MYO7B: variants seen among roughly 807,000 people sequenced by gnomAD.
MYO7B encodes the protein unconventional myosin-VIIb.
MYO7B carries 212 observed loss-of-function variants against 259.7 expected under a neutral mutation model. The ratio of observed to expected loss-of-function variants is 0.82; its 90% CI spans 0.73 to 0.91. The LOEUF (loss-of-function observed/expected upper bound fraction) is 0.91. MYO7B is among the 40% of genes least tolerant of loss of function. The pLI is 0.00. For missense variants in MYO7B, 2,732 were observed against 2,813.5 expected (o/e 0.97, Z 0.66); for synonymous variants, 1,197 against 1,166.4 (o/e 1.03, Z -0.54).
At position 127,585,074 on chromosome 2, in the gene MYO7B, G is replaced by A. The variant is rs765174321; in HGVS notation, c.1690+161G>A. Among the ~76,000 whole-genome samples, 33 of 152,116 alleles carry A rather than the reference G, an allele frequency of 2.2e-4. No individual in the cohort carries two copies. Among genetic ancestry groups the A allele is most frequent in the African/African-American group, 5.6e-4 (23 of 41,418 alleles). ...CTGGAGAAAGAAAATGGAGTGGACCGGGCATGTTTTGTTTTGTTTCTGGTA... is the reference window on the plus strand; with the variant it reads ...CTGGAGAAAGAAAATGGAGTGGACCAGGCATGTTTTGTTTTGTTTCTGGTA... On this transcript the variant is annotated intron_variant, in intron 14 of 47. Transcript: ENST00000409816. This position sits in a 1 kb window ranked among gnomAD's most constrained non-coding sequence, Gnocchi z 4.3.
intron 1 of MYO7B, among the ~76,000 whole-genome samples, chr2:127,545,486 C>T (rs907990764): frequency 6.6e-6 from 1 of 152,186 alleles, no homozygotes; most frequent in Non-Finnish European, 1.5e-5. Context: ...TACCTAGCCT[C>T]GAGCAGCCTC....
At chr2:127,569,693 G>T in intron 5 of MYO7B, 96 bp from the exon 6 acceptor site, 1 of 1,456,824 alleles carries the variant, frequency 6.9e-7, no homozygotes, top group Non-Finnish European at 9.2e-7. Flanking sequence ...TGTCAGACTG[G>T]CTCAGAAAGC....
chr2:127,584,853 A>C lies in MYO7B; in HGVS notation c.1630A>C (p.Ile544Leu), dbSNP rs535338153. 6.2e-6 allele frequency: 10 copies of C among 1,613,944 alleles called. No individual in the cohort carries two copies. The highest frequency in any genetic ancestry group is 7.6e-6 in the Non-Finnish European group (9 of 1,179,902). Residue 544 changes from isoleucine to leucine, a missense_variant, in exon 14 of 48, where the codon ATC becomes CTC. Ile to Leu is a conservative substitution (Grantham distance 5, BLOSUM62 2). Around this residue, in one of 3 missense-constraint regions of MYO7B, gnomAD observed 1,906 missense variants for 2,026.4 expected, o/e 0.94. Transcript: ENST00000409816. The surrounding 1 kb of genome is among the most constrained non-coding windows in gnomAD (Gnocchi z 5.8). ...NNKAFLQPKN[I>L]HDARFGIAHF... ...CAAGGCCTTCCTACAGCCCAAGAAC[A>C]TCCACGATGCCAGATTTGGCATTGC...
At position 127,624,184 on chromosome 2, in the gene MYO7B, A is replaced by G; in HGVS notation, c.3911A>G (p.Gln1304Arg). ...CAGGAGAGGGGCGAGAGCCAGCGCC[A>G]GTCACCCTGGCGCATCTACTTCCGG... ...MAQERGESQR[Q>R]SPWRIYFRKE... The change falls in exon 30 of 48, where the codon CAG becomes CGG. Residue 1304 changes from glutamine to arginine, a missense_variant. Around this residue, in one of 3 missense-constraint regions of MYO7B, gnomAD observed 1,906 missense variants for 2,026.4 expected, o/e 0.94. Transcript: ENST00000409816. 1 of 1,597,476 alleles carries G rather than the reference A, an allele frequency of 6.3e-7. No homozygotes were observed. Among genetic ancestry groups the G allele is most frequent in the Non-Finnish European group, 8.5e-7 (1 of 1,172,712 alleles).
intron 1 of MYO7B, among the ~76,000 whole-genome samples, chr2:127,550,455 A>G (rs764394223): frequency 6.6e-5 from 10 of 152,030 alleles, no homozygotes; most frequent in Non-Finnish European, 1.5e-4. Context: ...AGTCACAGCT[A>G]TTCAGGAGGC....
intron 11 of MYO7B, 83 bp from the exon 12 acceptor site, chr2:127,582,221 A>C (rs1318380805): frequency 6.5e-7 from 1 of 1,547,938 alleles, no homozygotes; most frequent in Non-Finnish European, 8.8e-7. Flanking sequence ...GGTCCAAGAC[A>C]TTCGGCCTCT....
Position 127,634,644 on chromosome 2 carries a change from G to T in MYO7B, c.5674G>T (p.Val1892Leu), listed in dbSNP as rs1270051027. Residue 1892 changes from valine to leucine, a missense_variant, in exon 42 of 48, where the codon GTG becomes TTG. Physicochemically the swap from Val to Leu is conservative, Grantham distance 32. Coordinates refer to ENST00000409816, the MANE Select transcript of MYO7B (RefSeq NM_001393586.1). ...CTTCTTCTTTGATTCCTTGAGGGAG[G>T]TGTCTGACTGGGTGAAGAAGAACAA... ...GDFFFDSLRE[V>L]SDWVKKNKPQ... The T allele has an allele frequency of 6.2e-7, 1 of 1,612,442 alleles. No homozygotes were observed.
chr2:127,536,421 G>T (rs2104774614), intron 1 of MYO7B, among the ~76,000 whole-genome samples: 1 of 146,324 alleles, frequency 6.8e-6, no homozygotes, highest in Non-Finnish European at 1.5e-5. Flanking sequence ...AGTCACCTCT[G>T]GAAGGCTGGG....
chr2:127,553,612 C>G (rs1441165846), intron 1 of MYO7B, among the ~76,000 whole-genome samples: 1 of 152,090 alleles, frequency 6.6e-6, no homozygotes, highest in African/African-American at 2.4e-5. Flanking sequence ...AATTTTGTAT[C>G]CCGAAAATTT....
chr2:127,545,394 T>C (rs1023025994), intron 1 of MYO7B, among the ~76,000 whole-genome samples: 2 of 152,104 alleles, frequency 1.3e-5, no homozygotes, highest in African/African-American at 4.8e-5. Context: ...AGGGGCCCCC[T>C]CCTTCCTCAG....
Position 127,607,296 on chromosome 2 carries a change from C to G in MYO7B, c.2515C>G (p.Leu839Val). Residue 839 changes from leucine to valine, a missense_variant, in exon 21 of 48, where the codon CTG becomes GTG. Leu to Val is a conservative substitution (Grantham distance 32, BLOSUM62 1). This residue lies in a region of MYO7B where 1,906 missense variants were observed against 2,026.4 expected (regional missense o/e 0.94). Transcript: ENST00000409816. The surrounding 1 kb of genome is among the most constrained non-coding windows in gnomAD (Gnocchi z 4.4). ...YQAMRQRTVQ[L>V]QALCRGYLVR... The stretch of plus-strand genomic sequence containing the variant: ...GGCCATGCGGCAGAGGACAGTCCAG[C>G]TGCAGGCCCTGTGCAGGGGATACCT... 1 of 1,551,356 alleles carries G rather than the reference C, an allele frequency of 6.4e-7. No individual in the cohort carries two copies. Among genetic ancestry groups the G allele is most frequent in the South Asian group, 1.2e-5 (1 of 84,058 alleles).
Position 127,627,311 on chromosome 2 carries a change from G to A in MYO7B, c.4460+1G>A. The A allele has an allele frequency of 6.2e-7, 1 of 1,613,128 alleles. No individual in the cohort carries two copies. The highest frequency in any genetic ancestry group is 2.2e-5 in the East Asian group (1 of 44,868). On this transcript the variant is annotated splice_donor_variant, in intron 33 of 47. Coordinates refer to ENST00000409816, the MANE Select transcript of MYO7B (RefSeq NM_001393586.1). LOFTEE classifies it high-confidence loss of function. The surrounding 1 kb of genome is among the most constrained non-coding windows in gnomAD (Gnocchi z 5.6). ...AGGTCATGGGTCTGGCCACCAACAG[G>A]TGCGGGCCCTGAGGGAAGATCTCTT...
rs1171177135 is a variant in MYO7B, at chr2:127,584,004, G to A, written c.1344-118G>A. On this transcript the variant is annotated intron_variant, in intron 12 of 47. Coordinates refer to ENST00000409816, the MANE Select transcript of MYO7B (RefSeq NM_001393586.1). The surrounding 1 kb of genome is among the most constrained non-coding windows in gnomAD (Gnocchi z 5.8). ...CTCTGTGTACACGAGGTGTGCATCT[G>A]TGGGCATATCTGTATGCAGCTGTTT... 8 of 855,732 alleles carry A rather than the reference G, an allele frequency of 9.3e-6. No individual in the cohort carries two copies. The highest frequency in any genetic ancestry group is 1.3e-5 in the Non-Finnish European group (7 of 534,926). 53.0% of individuals were successfully genotyped at this position (855,732 alleles called of 1,614,324 possible).
At chr2:127,553,253 G>T (rs1693519967) in intron 1 of MYO7B, among the ~76,000 whole-genome samples, 1 of 152,128 alleles carries the variant, frequency 6.6e-6, no homozygotes, top group Non-Finnish European at 1.5e-5. Context: ...ATCTTTTTTG[G>T]TTCCATATGA....
chr2:127,590,616 A>C lies in MYO7B; in HGVS notation c.1992+387A>C, dbSNP rs4662584. Among the ~76,000 whole-genome samples the C allele has an allele frequency of 0.99, 151,118 of 152,362 alleles. 74,946 individuals carry two copies. Among genetic ancestry groups the C allele is most frequent in the Middle Eastern group, 1 (294 of 294 alleles). On this transcript the variant is annotated intron_variant, in intron 16 of 47. Coordinates refer to ENST00000409816, the MANE Select transcript of MYO7B (RefSeq NM_001393586.1). The surrounding 1 kb of genome is among the most constrained non-coding windows in gnomAD (Gnocchi z 4.6). ...TGTAAACCACACTCAACAAAGGCAG[A>C]AATCAGTAATAGGACTTTAGAGGCT...
chr2:127,576,502 G>A lies in MYO7B; in HGVS notation c.736-93G>A, dbSNP rs1257602285. On this transcript the variant is annotated intron_variant, in intron 7 of 47. Coordinates refer to ENST00000409816, the MANE Select transcript of MYO7B (RefSeq NM_001393586.1). The surrounding 1 kb of genome is among the most constrained non-coding windows in gnomAD (Gnocchi z 4.9). ...CCTGGCTGAGAGATGTGGAGCGGAG[G>A]CCAGGGCTGGGCTGGGCAGAGGCAG... is the stretch of plus-strand genomic sequence containing the variant. The A allele has an allele frequency of 5.6e-6, 4 of 714,330 alleles. No individual in the cohort carries two copies. Among genetic ancestry groups the A allele is most frequent in the Non-Finnish European group, 8.9e-6 (4 of 450,448 alleles). The allele number at this position is 714,330 out of a possible 1,614,324, so 44.2% of individuals were successfully genotyped here.
At chr2:127,619,283 G>T in intron 26 of MYO7B, among the ~76,000 whole-genome samples, 1 of 123,932 alleles carries the variant, frequency 8.1e-6, no homozygotes, top group Non-Finnish European at 1.7e-5. Context: ...GTGGCTGGCT[G>T]GGTGGTGGGG....
chr2:127,595,569 A>G (rs1204758849), intron 18 of MYO7B, among the ~76,000 whole-genome samples: 3 of 152,112 alleles, frequency 2.0e-5, no homozygotes, highest in African/African-American at 7.2e-5. Flanking sequence ...TCAGGGCGTC[A>G]ATTTGAGATC....
At chr2:127,617,878 A>G (rs1680642905) in intron 26 of MYO7B, among the ~76,000 whole-genome samples, 5 of 146,804 alleles carry the variant, frequency 3.4e-5, no homozygotes, top group Admixed American at 3.4e-4. Context: ...TTGCTCCAGC[A>G]GACCTTCCTC....
Sources: gnomAD v4.1 joint callset for allele counts (sites outside exome capture counted in the v4.1 genomes callset) on GRCh38, gnomAD v4.1.1 for gene constraint, gnomAD v4.1.1 regional missense constraint, Gnocchi (gnomAD v3.1) non-coding constraint, MANE v1.5 for transcripts, NCBI Gene and HGNC (gene_info 2026-07-23, HGNC 2026-07-21) for gene names.